The following BTD variants were observed in gnomAD, a reference collection of about 807,000 sequenced individuals.
BTD encodes the protein biotinidase, also known as biocytinase.
In BTD, 13 loss-of-function variants were observed where a neutral mutation model predicts 17.7. The ratio of observed to expected loss-of-function variants is 0.74; its 90% confidence interval spans 0.48 to 1.17. The LOEUF is 1.17. Ranked by LOEUF, BTD falls within the 50% of genes most tolerant of loss-of-function variation. The probability of loss-of-function intolerance (pLI) is 0.00; values close to 1 mark genes in which losing one functional copy is unlikely to be tolerated. For missense variants in BTD, 674 were observed against 650.4 expected (o/e 1.04, Z -0.39); for synonymous variants, 240 against 245.2 (o/e 0.98, Z 0.20).
At chr3:15,614,178 C>T (rs2064723565) in intron 1 of BTD, among the ~76,000 whole-genome samples, 1 of 146,824 alleles carries the variant, frequency 6.8e-6, no homozygotes, top group Non-Finnish European at 1.5e-5. Context: ...AGCTGGAGTA[C>T]AGTGGCACAG....
rs1204527762 is a variant in BTD at position 15,647,353 on chromosome 3, G to A, written c.*1865G>A. ...GCCAAGATGATTCAAATAAGCCTGA[G>A]AAAGAGAGGCCAGCGCTAAATACAG... On this transcript the variant is annotated 3_prime_UTR_variant, in exon 4 of 4. Coordinates refer to ENST00000643237, the MANE Select transcript of BTD (RefSeq NM_001370658.1). 1 of 152,232 alleles carries A rather than the reference G, an allele frequency of 6.6e-6. No individual in the cohort carries two copies. The highest frequency in any genetic ancestry group is 2.4e-5 in the African/African-American group (1 of 41,450). The allele number at this position is 152,232 out of a possible 1,614,324, so 9.4% of individuals were successfully genotyped here. A position where few individuals can be genotyped will look rare whatever the true frequency, so the allele number is the denominator to read the frequency against.
chr3:15,716,839 A>G (rs1357044919), downstream of BTD, among the ~76,000 whole-genome samples: 1 of 152,164 alleles, frequency 6.6e-6, no homozygotes, highest in Non-Finnish European at 1.5e-5. Context: ...GCTCATATCT[A>G]TAATTCCAGC....
At position 15,636,080 on chromosome 3, in the gene BTD, G is replaced by C. The variant is rs150198094; in HGVS notation, c.249+392G>C. Among the ~76,000 whole-genome samples the C allele has an allele frequency of 4.7e-3, 712 of 152,272 alleles. 5 individuals are homozygous for C. The highest frequency in any genetic ancestry group is 0.016 in the African/African-American group (674 of 41,546). On this transcript the variant is annotated intron_variant, in intron 2 of 3. Transcript: ENST00000643237. Reference sequence around the variant, plus strand: ...AAACACTATGGCTGCCCGGGTCCTGGAGAGTCCGTTGTAATTGGTGTGGAA... The same window carrying C: ...AAACACTATGGCTGCCCGGGTCCTGCAGAGTCCGTTGTAATTGGTGTGGAA...
chr3:15,694,911 G>A (rs1266515496), intron 3 of BTD: 3 of 1,120,862 alleles, frequency 2.7e-6, no homozygotes, highest in Non-Finnish European at 4.0e-6. Flanking sequence ...GTATTATTTG[G>A]CAACTCAGCA....
chr3:15,705,284 T>C (rs2071200796), intron 3 of BTD, among the ~76,000 whole-genome samples: 1 of 152,234 alleles, frequency 6.6e-6, no homozygotes, highest in Non-Finnish European at 1.5e-5. Context: ...AAACCACACA[T>C]CTCCAACACT....
At chr3:15,686,078 C>G in intron 3 of BTD, 1 of 1,613,686 alleles carries the variant, frequency 6.2e-7, no homozygotes, top group South Asian at 1.1e-5. Flanking sequence ...TGAGTAAACA[C>G]AGTCTGTGTG....
At chr3:15,690,614 G>C (rs568169759) in intron 3 of BTD, among the ~76,000 whole-genome samples, 1 of 152,074 alleles carries the variant, frequency 6.6e-6, no homozygotes, top group Non-Finnish European at 1.5e-5. Context: ...GCCCCAGCTG[G>C]AGTCCAGTGG....
intron 1 of BTD, among the ~76,000 whole-genome samples, chr3:15,631,974 CT>C (rs1489906734): frequency 3.9e-5 from 6 of 152,126 alleles, no homozygotes; most frequent in African/African-American, 1.2e-4. Context: ...TCTGTGATTC[CT>C]TTTGCTGCCA....
chr3:15,721,191 A>G (rs1024818331), intron 4 of BTD: 3 of 1,411,168 alleles, frequency 2.1e-6, no homozygotes, highest in Non-Finnish European at 2.9e-6. Flanking sequence ...GTTGTGAGCT[A>G]TTTTAGCAAC....
At chr3:15,658,167 T>TAAAA (rs72190740), downstream of BTD, among the ~76,000 whole-genome samples, 3 of 130,174 alleles carry the variant, frequency 2.3e-5, no homozygotes, top group African/African-American at 2.8e-5. Context: ...AGACTCCATC[T>TAAAA]AAAAAAAAAA....
chr3:15,671,578 G>C (rs1051588803), intron 3 of BTD, among the ~76,000 whole-genome samples: 2 of 141,326 alleles, frequency 1.4e-5, no homozygotes, highest in African/African-American at 5.4e-5. Context: ...AAACACTATA[G>C]TTTTTTTTTT....
downstream of BTD, among the ~76,000 whole-genome samples, chr3:15,712,955 C>A (rs2072516552): frequency 6.6e-6 from 1 of 152,086 alleles, no homozygotes; most frequent in Non-Finnish European, 1.5e-5. Context: ...AAATGTGATA[C>A]AAAGAATGAT....
At chr3:15,668,198 T>C (rs953581724) in intron 3 of BTD, 1 of 152,168 alleles carries the variant, frequency 6.6e-6, no homozygotes, top group African/African-American at 2.4e-5. Flanking sequence ...ATCACCCTTG[T>C]AGAAGGGACT....
At chr3:15,633,704 TAGTG>T (rs1023356381) in intron 1 of BTD, among the ~76,000 whole-genome samples, 1 of 152,188 alleles carries the variant, frequency 6.6e-6, no homozygotes, top group African/African-American at 2.4e-5. Flanking sequence ...CCATACCTCT[TAGTG>T]AGGCCTTTGC....
intron 3 of BTD, among the ~76,000 whole-genome samples, chr3:15,708,801 T>C (rs1490384125): frequency 6.6e-6 from 1 of 152,206 alleles, no homozygotes; most frequent in Non-Finnish European, 1.5e-5. Flanking sequence ...ATTTCTGATT[T>C]CCTACCATGC....
chr3:15,625,870 A>G (rs1163023902), intron 1 of BTD, among the ~76,000 whole-genome samples: 2 of 152,076 alleles, frequency 1.3e-5, no homozygotes, highest in Non-Finnish European at 2.9e-5. Flanking sequence ...TTAATTTTTT[A>G]TTTTGCATAT....
intron 1 of BTD, among the ~76,000 whole-genome samples, chr3:15,634,034 G>T (rs1303487773): frequency 3.9e-5 from 6 of 152,208 alleles, no homozygotes; most frequent in African/African-American, 2.4e-5. Context: ...TTTCCCTGGG[G>T]AAAGAAATAA....
chr3:15,712,543 T>C (rs2072451543), exon 4 of BTD, among the ~76,000 whole-genome samples: 1 of 152,196 alleles, frequency 6.6e-6, no homozygotes, highest in Admixed American at 6.5e-5. Flanking sequence ...GTCATTAACA[T>C]TAACACCTTC....
intron 3 of BTD, chr3:15,679,575 T>TA: frequency 1.3e-6 from 2 of 1,598,554 alleles, no homozygotes; most frequent in Middle Eastern, 1.7e-4. Flanking sequence ...TAAATAGGTG[T>TA]AAAGAACCAG....
Sources: allele counts gnomAD v4.1 joint callset (sites outside exome capture counted in the v4.1 genomes callset), GRCh38; gene constraint gnomAD v4.1.1; transcripts MANE v1.5; gene names NCBI Gene and HGNC (gene_info 2026-07-23, HGNC 2026-07-21).